Variants in DIPK1A observed in about 807,000 individuals in gnomAD.
The protein encoded by DIPK1A is divergent protein kinase domain 1A, also known as family with sequence similarity 69 member A.
A neutral mutation model predicts 40.8 loss-of-function variants in DIPK1A; 27 were observed. The ratio of observed to expected loss-of-function variants is 0.66; its 90% CI spans 0.49 to 0.91. DIPK1A has a LOEUF of 0.91. Ranked by LOEUF, DIPK1A falls within the 40% of genes least tolerant of loss-of-function variation. The pLI is 0.00. For synonymous variants in DIPK1A, 166 were observed against 171.3 expected (o/e 0.97, Z 0.24); for missense variants, 412 against 505.7 (o/e 0.81, Z 1.78).
Position 92,844,255 on chromosome 1 carries a change from TAA to T in DIPK1A, c.475-62_475-61del, listed in dbSNP as rs1293595392. 5 of 1,052,170 alleles carry T rather than the reference TAA, an allele frequency of 4.8e-6. No individual in the cohort carries two copies. The African/African-American group carries it at 6.4e-5, about 14-fold the overall frequency. The allele number at this position is 1,052,170 out of a possible 1,614,324, so 65.2% of individuals were successfully genotyped here. On this transcript the variant is annotated intron_variant, in intron 4 of 4. Transcript: ENST00000370310. ...GAAAAATACCTCCCATGCAACATAC[TAA>T]GTTTCTTTACGGGCATTATTAACCA...
chr1:92,940,962 G>A (rs1651128820), intron 1 of DIPK1A, among the ~76,000 whole-genome samples: 1 of 152,092 alleles, frequency 6.6e-6, no homozygotes, highest in African/African-American at 2.4e-5. Context: ...TTTCTAACTG[G>A]ACTATTTTTT....
chr1:92,892,199 A>G (rs1465884961), intron 1 of DIPK1A, among the ~76,000 whole-genome samples: 2 of 152,140 alleles, frequency 1.3e-5, no homozygotes, highest in Non-Finnish European at 2.9e-5. Flanking sequence ...GAGAACGGAC[A>G]GACTGCCTCC....
intron 3 of DIPK1A, among the ~76,000 whole-genome samples, chr1:92,850,566 A>G (rs1170062792): frequency 6.6e-6 from 1 of 152,164 alleles, no homozygotes; most frequent in Non-Finnish European, 1.5e-5. Flanking sequence ...CTGTAGTCCC[A>G]GCTACATGGG....
chr1:92,867,017 CAAT>C (rs1219991728), intron 2 of DIPK1A, among the ~76,000 whole-genome samples: 3 of 152,130 alleles, frequency 2.0e-5, no homozygotes. Context: ...GAGAATATAA[CAAT>C]AATAACTTAC....
downstream of DIPK1A, chr1:92,837,579 T>C (rs775010708): frequency 1.2e-5 from 19 of 1,611,968 alleles, no homozygotes; most frequent in South Asian, 5.5e-5. Flanking sequence ...AAGATGAAGA[T>C]GCTTACAAGA....
At chr1:92,940,089 C>A (rs1296174830) in intron 1 of DIPK1A, among the ~76,000 whole-genome samples, 1 of 152,124 alleles carries the variant, frequency 6.6e-6, no homozygotes, top group Non-Finnish European at 1.5e-5. Context: ...GGGACAGCAT[C>A]ATCAAGCATA....
rs144459562 is a variant in DIPK1A at position 92,834,988 on chromosome 1, A to G, written c.475-1954T>C. 6.6e-5 allele frequency: 105 copies of G among 1,586,224 alleles called. No homozygotes were observed. The East Asian group carries it at 1.9e-3, about 29-fold the overall frequency. ...AGAGTTTTCTGCAAGATGTTTGTACATGGATAAGATAGCTTAAGTTGTGCT... is the reference window on the plus strand; with the variant it reads ...AGAGTTTTCTGCAAGATGTTTGTACGTGGATAAGATAGCTTAAGTTGTGCT... On this transcript the variant is annotated intron_variant, in intron 4 of 4. Transcript: ENST00000615519.
intron 1 of DIPK1A, among the ~76,000 whole-genome samples, chr1:92,878,595 C>T (rs1371004357): frequency 2.6e-5 from 4 of 151,948 alleles, no homozygotes; most frequent in Non-Finnish European, 4.4e-5. Flanking sequence ...CCGAGGTGGG[C>T]GGATCACGAG....
At position 92,877,079 on chromosome 1, in the gene DIPK1A, A is replaced by T. The variant is rs956668834; in HGVS notation, c.55-649T>A. The stretch of plus-strand genomic sequence containing the variant: ...AATGACTGGAGAAGGGTTAAGATAT[A>T]TTAAAAATAAGTTACTCTTTGCATA... On this transcript the variant is annotated intron_variant, in intron 1 of 4. Coordinates refer to ENST00000370310, the MANE Select transcript of DIPK1A (RefSeq NM_001006605.5). 3.1e-5 allele frequency: 31 copies of T among 985,128 alleles called. No homozygotes were observed. The African/African-American group carries it at 4.9e-4, about 16-fold the overall frequency. 61.0% of individuals were successfully genotyped at this position (985,128 alleles called of 1,614,324 possible).
At chr1:92,959,141 C>T (rs1189472079) in intron 1 of DIPK1A, among the ~76,000 whole-genome samples, 1 of 151,938 alleles carries the variant, frequency 6.6e-6, no homozygotes. Context: ...AAAAAATTAG[C>T]TGGGCATGGT....
chr1:92,927,055 C>T (rs899485347), intron 1 of DIPK1A, among the ~76,000 whole-genome samples: 2 of 152,080 alleles, frequency 1.3e-5, no homozygotes, highest in African/African-American at 4.8e-5. Flanking sequence ...TGCTGTTTCT[C>T]TGTTCCTCTT....
intron 1 of DIPK1A, among the ~76,000 whole-genome samples, chr1:92,917,796 T>C (rs1056044662): frequency 2.6e-5 from 4 of 152,156 alleles, no homozygotes; most frequent in Non-Finnish European, 5.9e-5. Context: ...GGTTCCTACA[T>C]TCCATAAGGA....
rs553129180 is a variant in DIPK1A, at chr1:92,905,921, C to T, written c.55-29491G>A. Among the ~76,000 whole-genome samples, 309 of 152,154 alleles carry T rather than the reference C, an allele frequency of 2.0e-3. 2 individuals carry two copies. The highest frequency in any genetic ancestry group is 3.0e-3 in the Non-Finnish European group (203 of 67,944). On this transcript the variant is annotated intron_variant, in intron 1 of 4. Coordinates refer to ENST00000370310, the MANE Select transcript of DIPK1A (RefSeq NM_001006605.5). ...ATATTCTTGGCACCTTTGTCAAAAA[C>T]GAGTTCACTGTAGATGTATATATTT...
At chr1:92,904,145 A>G (rs971310603) in intron 1 of DIPK1A, among the ~76,000 whole-genome samples, 1 of 152,228 alleles carries the variant, frequency 6.6e-6, no homozygotes, top group Non-Finnish European at 1.5e-5. Flanking sequence ...TCAGAGACAA[A>G]TGACAGATCT....
At chr1:92,938,821 A>C (rs941669398) in intron 1 of DIPK1A, among the ~76,000 whole-genome samples, 1 of 152,252 alleles carries the variant, frequency 6.6e-6, no homozygotes, top group African/African-American at 2.4e-5. Context: ...GGAGCTTGAC[A>C]CAAGTCAAAT....
At chr1:92,961,207 G>A (rs934340936) in intron 1 of DIPK1A, among the ~76,000 whole-genome samples, 169 bp downstream of exon 1, 1 of 150,970 alleles carries the variant, frequency 6.6e-6, no homozygotes, top group Non-Finnish European at 1.5e-5. Flanking sequence ...CAGAGCCGCT[G>A]AGGGGGCTGG....
intron 1 of DIPK1A, among the ~76,000 whole-genome samples, chr1:92,948,698 C>CATGT (rs1651493712): frequency 1.2e-5 from 1 of 86,840 alleles, no homozygotes; most frequent in African/African-American, 4.1e-5. Context: ...TATATATACA[C>CATGT]ATATGTATAT....
At chr1:92,924,680 C>A (rs918811085) in intron 1 of DIPK1A, among the ~76,000 whole-genome samples, 1 of 152,202 alleles carries the variant, frequency 6.6e-6, no homozygotes, top group Non-Finnish European at 1.5e-5. Flanking sequence ...ATTCTTCGAA[C>A]AACAGGCTCT....
intron 1 of DIPK1A, among the ~76,000 whole-genome samples, chr1:92,939,869 T>C (rs1254309535): frequency 6.6e-6 from 1 of 152,060 alleles, no homozygotes; most frequent in Admixed American, 6.6e-5. Context: ...GGAGAATCAC[T>C]TGAACCCGGG....
Sources: allele counts gnomAD v4.1 joint callset (sites outside exome capture counted in the v4.1 genomes callset), GRCh38; gene constraint gnomAD v4.1.1; transcripts MANE v1.5; gene names NCBI Gene and HGNC (gene_info 2026-07-23, HGNC 2026-07-21).